The following ASCC1 variants were observed in gnomAD, a reference collection of about 807,000 sequenced individuals.
ASCC1 encodes ASC-1 complex subunit P50.
ASCC1 carries 35 observed loss-of-function variants against 46.6 expected under a neutral mutation model. The observed-to-expected ratio is 0.75, with a 90% CI of 0.57 to 0.99. ASCC1 has a LOEUF of 0.99. Ranked by LOEUF, ASCC1 falls within the 50% of genes least tolerant of loss-of-function variation. ASCC1 has a pLI of 0.00. For synonymous variants in ASCC1, 143 were observed against 146.6 expected, an observed-to-expected ratio of 0.98 and a Z score of 0.18; for missense variants, 376 against 428.7, an observed-to-expected ratio of 0.88 and a Z score of 1.09.
chr10:72,188,654 TC>T (rs1396143748), intron 5 of ASCC1, among the ~76,000 whole-genome samples: 2 of 152,184 alleles, frequency 1.3e-5, no homozygotes, highest in Non-Finnish European at 2.9e-5. Flanking sequence ...CTCTTCACAC[TC>T]CAAATAATAC....
At chr10:72,109,909 C>CCA (rs2132000472) in intron 9 of ASCC1, among the ~76,000 whole-genome samples, 1 of 152,366 alleles carries the variant, frequency 6.6e-6, no homozygotes, top group East Asian at 1.9e-4. Flanking sequence ...CCGCCCGTTT[C>CCA]CACATTACGT....
chr10:72,096,442 G>A lies in ASCC1; in HGVS notation c.*892C>T, dbSNP rs1408855284. 4.4e-6 allele frequency: 2 copies of A among 454,080 alleles called. No individual in the cohort carries two copies. Among genetic ancestry groups the A allele is most frequent in the South Asian group, 3.1e-5 (2 of 64,482 alleles). 28.1% of individuals were successfully genotyped at this position (454,080 alleles called of 1,614,324 possible). ...ATCAGGGGCATGGGAAGATGAGGGT[G>A]GGGATGGGGTGAAGGAACAGGAATC... On this transcript the variant is annotated 3_prime_UTR_variant, in exon 10 of 10. Transcript: ENST00000672957.
intron 9 of ASCC1, chr10:72,102,475 T>A: frequency 7.5e-7 from 1 of 1,327,584 alleles, no homozygotes. Context: ...CCTCCTTTTA[T>A]TGAGTTGTAG....
intron 6 of ASCC1, among the ~76,000 whole-genome samples, chr10:72,153,989 G>A (rs570198399): frequency 6.6e-6 from 1 of 152,294 alleles, no homozygotes; most frequent in African/African-American, 2.4e-5. Context: ...CCAAAGTGCT[G>A]TGATTACAGG....
intron 5 of ASCC1, among the ~76,000 whole-genome samples, chr10:72,176,667 T>C (rs1835038506): frequency 1.3e-5 from 2 of 152,122 alleles, no homozygotes; most frequent in Admixed American, 6.6e-5. Flanking sequence ...TTACTCTCTA[T>C]AGGATATTAC....
intron 5 of ASCC1, 103 bp downstream of exon 5, chr10:72,196,708 G>A (rs1384924136): frequency 4.1e-5 from 48 of 1,169,084 alleles, no homozygotes; most frequent in Non-Finnish European, 5.6e-5. Context: ...TTTTTTGGTG[G>A]GGGAAGAAGT....
Position 72,096,196 on chromosome 10 carries a change from G to T in ASCC1, c.*1138C>A, listed in dbSNP as rs750288733. 89 of 454,016 alleles carry T rather than the reference G, an allele frequency of 2.0e-4. No homozygotes were observed. Among genetic ancestry groups the T allele is most frequent in the Non-Finnish European group, 3.8e-4 (87 of 226,746 alleles). The allele number at this position is 454,016 out of a possible 1,614,324, so 28.1% of individuals were successfully genotyped here. On this transcript the variant is annotated 3_prime_UTR_variant, in exon 10 of 10. Coordinates refer to ENST00000672957, the MANE Select transcript of ASCC1 (RefSeq NM_001198800.3). ...GGCAAGAATAAGGAAGGAGAAGAAG[G>T]AGAGGACATGGAGGGAGGAAGAATG...
intron 5 of ASCC1, among the ~76,000 whole-genome samples, chr10:72,175,525 A>G (rs1010218872): frequency 3.3e-5 from 5 of 152,234 alleles, no homozygotes; most frequent in African/African-American, 4.8e-5. Context: ...AAGCTTTAGA[A>G]AAAAGGGTTT....
At chr10:72,211,740 G>A (rs1025837785) in intron 2 of ASCC1, among the ~76,000 whole-genome samples, 22 of 149,832 alleles carry the variant, frequency 1.5e-4, no homozygotes, top group Non-Finnish European at 2.1e-4. Context: ...GGAGAATGGC[G>A]TGAATCCGGG....
intron 5 of ASCC1, among the ~76,000 whole-genome samples, chr10:72,176,997 G>A (rs1292954215): frequency 5.3e-5 from 8 of 151,584 alleles, no homozygotes; most frequent in Admixed American, 2.0e-4. Flanking sequence ...CTCACAACAC[G>A]GTACCTATTT....
chr10:72,189,736 A>T (rs1176695072), intron 5 of ASCC1, among the ~76,000 whole-genome samples: 1 of 141,160 alleles, frequency 7.1e-6, no homozygotes, highest in Non-Finnish European at 1.5e-5. Flanking sequence ...TGGGAGGCGG[A>T]GGTTGCAGTG....
intron 5 of ASCC1, among the ~76,000 whole-genome samples, chr10:72,194,944 G>T (rs1855140031): frequency 6.6e-6 from 1 of 151,844 alleles, no homozygotes; most frequent in African/African-American, 2.4e-5. Flanking sequence ...GTTTCTCCAT[G>T]TTGGTCAGGC....
At chr10:72,158,509 A>C (rs1023077497) in intron 6 of ASCC1, among the ~76,000 whole-genome samples, 1 of 152,208 alleles carries the variant, frequency 6.6e-6, no homozygotes, top group African/African-American at 2.4e-5. Context: ...CGAATTTACT[A>C]AACACTGAAT....
chr10:72,167,638 CTTTT>C (rs547602844), intron 5 of ASCC1, among the ~76,000 whole-genome samples: 1 of 133,738 alleles, frequency 7.5e-6, no homozygotes, highest in South Asian at 2.4e-4. Flanking sequence ...GTGTCTATGT[CTTTT>C]TTTTTTTTTT....
intron 5 of ASCC1, chr10:72,190,483 T>C: frequency 6.3e-7 from 1 of 1,598,658 alleles, no homozygotes; most frequent in Non-Finnish European, 8.5e-7. Flanking sequence ...GCCGTGGCCT[T>C]GGAAAGGGCC....
rs186051997 is a variant in ASCC1 at position 72,100,831 on chromosome 10, T to C, written c.958-3381A>G. ...GTAGACTGCATCTGATCGATAAATA[T>C]CTGCTGGACAAAATGACAATGAAAA... On this transcript the variant is annotated intron_variant, in intron 9 of 9. Transcript: ENST00000672957. 3.3e-5 allele frequency among the ~76,000 whole-genome samples: 5 copies of C among 152,314 alleles called. No homozygotes were observed. In the East Asian group the frequency reaches 9.6e-4, roughly 29 times the overall value.
intron 2 of ASCC1, 88 bp downstream of exon 2, chr10:72,213,099 C>T: frequency 1.1e-6 from 1 of 901,462 alleles, no homozygotes. Flanking sequence ...AGTGCTGACA[C>T]AGAAACACAT....
chr10:72,178,130 A>C (rs1852089446), intron 5 of ASCC1, among the ~76,000 whole-genome samples: 1 of 152,242 alleles, frequency 6.6e-6, no homozygotes, highest in Non-Finnish European at 1.5e-5. Context: ...AATTATGTTC[A>C]AGGAAGGATG....
In ASCC1 at chr10:72,203,531, C is replaced by T. The variant is rs772525841; in HGVS notation, c.213-7G>A. On this transcript the variant is annotated splice_region_variant and splice_polypyrimidine_tract_variant and intron_variant, in intron 3 of 9. Coordinates refer to ENST00000672957, the MANE Select transcript of ASCC1 (RefSeq NM_001198800.3). ...TCTCTTTCCAACTATATGCCTGTAA[C>T]ATAAAGTAATTAAAAGAAGATTAAG... The T allele has an allele frequency of 4.4e-6, 7 of 1,573,184 alleles. No individual in the cohort carries two copies. The highest frequency in any genetic ancestry group is 2.2e-5 in the East Asian group (1 of 44,676).
Sources: gnomAD v4.1 joint callset for allele counts (sites outside exome capture counted in the v4.1 genomes callset) on GRCh38, gnomAD v4.1.1 for gene constraint, MANE v1.5 for transcripts, NCBI Gene and HGNC (gene_info 2026-07-23, HGNC 2026-07-21) for gene names.